The following MYO1E variants were observed in gnomAD, a reference collection of about 807,000 sequenced individuals.
The protein encoded by MYO1E is unconventional myosin-Ie.
Under a neutral mutation model 151.1 loss-of-function variants are expected in MYO1E, and 68 were observed. The ratio of observed to expected loss-of-function variants is 0.45; its 90% confidence interval spans 0.37 to 0.55. The LOEUF (loss-of-function observed/expected upper bound fraction) is 0.55, where lower values mean the gene tolerates loss of function less well. MYO1E is among the 20% of genes least tolerant of loss of function. The pLI is 0.00. For missense variants in MYO1E, 1,363 were observed against 1,389.3 expected (o/e 0.98, Z 0.30); for synonymous variants, 601 against 501.7 (o/e 1.20, Z -2.64).
intron 4 of MYO1E, 94 bp downstream of exon 4, chr15:59,256,190 T>C: frequency 2.2e-6 from 2 of 895,280 alleles, no homozygotes; most frequent in South Asian, 2.7e-5. Flanking sequence ...GTGACATCAG[T>C]AGCTGTTGCA....
chr15:59,195,611 A>G, intron 16 of MYO1E, 44 bp from the exon 17 acceptor site: 1 of 1,523,698 alleles, frequency 6.6e-7, no homozygotes. Flanking sequence ...CTTTCTCTAA[A>G]GAAGACCAAA....
chr15:59,245,773 G>A (rs2080126087), intron 4 of MYO1E, among the ~76,000 whole-genome samples: 1 of 152,146 alleles, frequency 6.6e-6, no homozygotes, highest in Admixed American at 6.5e-5. Flanking sequence ...GTTCTCCAAG[G>A]CCCGATGATT....
chr15:59,278,794 A>T (rs2080336412), intron 1 of MYO1E, among the ~76,000 whole-genome samples: 1 of 152,224 alleles, frequency 6.6e-6, no homozygotes, highest in Non-Finnish European at 1.5e-5. Context: ...TAATTGGAAC[A>T]TTTACTGAAA....
intron 1 of MYO1E, among the ~76,000 whole-genome samples, chr15:59,349,831 T>A (rs1260689261): frequency 6.6e-6 from 1 of 152,214 alleles, no homozygotes; most frequent in Non-Finnish European, 1.5e-5. Flanking sequence ...ACAGGCAACA[T>A]GCAACTCTTT....
chr15:59,180,948 C>G (rs1310239377), intron 18 of MYO1E, among the ~76,000 whole-genome samples: 1 of 152,202 alleles, frequency 6.6e-6, no homozygotes, highest in Non-Finnish European at 1.5e-5. Flanking sequence ...GCCAGCTCCT[C>G]TTTCTGCCTG....
chr15:59,336,636 A>G (rs1026704794), intron 1 of MYO1E, among the ~76,000 whole-genome samples: 7 of 152,054 alleles, frequency 4.6e-5, no homozygotes, highest in Non-Finnish European at 7.4e-5. Context: ...GTTCTGGGAT[A>G]CATTTGCAGA....
At chr15:59,372,373 C>T (rs2080952067) in intron 1 of MYO1E, 125 bp downstream of exon 1, 1 of 1,204,710 alleles carries the variant, frequency 8.3e-7, no homozygotes, top group Non-Finnish European at 1.2e-6. Context: ...TCGCGACGTG[C>T]CGGCTCCCGC....
intron 19 of MYO1E, among the ~76,000 whole-genome samples, chr15:59,175,942 CCAAAA>C (rs1404650932): frequency 9.9e-5 from 15 of 152,076 alleles, no homozygotes; most frequent in African/African-American, 2.7e-4. Flanking sequence ...CCAAACCAAA[CCAAAA>C]AACAACAACA....
intron 6 of MYO1E, among the ~76,000 whole-genome samples, chr15:59,228,805 G>A (rs1278350821): frequency 2.0e-5 from 3 of 152,172 alleles, no homozygotes; most frequent in Non-Finnish European, 2.9e-5. Flanking sequence ...AACTCATTAA[G>A]GGCAAGAAAA....
At chr15:59,161,001 G>A in intron 24 of MYO1E, 72 bp downstream of exon 24, 3 of 1,585,908 alleles carry the variant, frequency 1.9e-6, no homozygotes, top group Non-Finnish European at 2.6e-6. Flanking sequence ...CTGTGCACAT[G>A]TTTGCAGCAT....
Position 59,137,015 on chromosome 15 carries a change from C to T in MYO1E, c.*365G>A. The T allele has an allele frequency of 2.7e-6, 1 of 373,400 alleles. No individual in the cohort carries two copies. The highest frequency in any genetic ancestry group is 5.2e-6 in the Non-Finnish European group (1 of 192,246). The allele number at this position is 373,400 out of a possible 1,614,324, so 23.1% of individuals were successfully genotyped here. ...TCAACTAAAGGCACTTGTCAGCGGC[C>T]ACCTACAGCCATTCTCTAGGCCTGG... On this transcript the variant is annotated 3_prime_UTR_variant, in exon 28 of 28. Coordinates refer to ENST00000288235, the MANE Select transcript of MYO1E (RefSeq NM_004998.4).
chr15:59,313,921 G>A (rs1401287350), intron 1 of MYO1E, among the ~76,000 whole-genome samples: 2 of 152,354 alleles, frequency 1.3e-5, no homozygotes, highest in African/African-American at 4.8e-5. Context: ...ACCTGAGAGA[G>A]ACCATAATGG....
At chr15:59,226,554 C>G (rs1180831860) in intron 7 of MYO1E, among the ~76,000 whole-genome samples, 1 of 152,176 alleles carries the variant, frequency 6.6e-6, no homozygotes, top group Non-Finnish European at 1.5e-5. Flanking sequence ...CGCCTGTAAT[C>G]CTAGCACTTT....
At chr15:59,372,346 C>G (rs547328985) in intron 1 of MYO1E, 152 bp downstream of exon 1, 1 of 948,710 alleles carries the variant, frequency 1.1e-6, no homozygotes, top group Non-Finnish European at 1.6e-6. Context: ...TTACGGAAAG[C>G]GGCAGGAAAT....
intron 1 of MYO1E, among the ~76,000 whole-genome samples, chr15:59,320,990 C>CA (rs1217376198): frequency 6.6e-6 from 1 of 151,598 alleles, no homozygotes; most frequent in Non-Finnish European, 1.5e-5. Flanking sequence ...ATTGAACAAG[C>CA]AAAAAAACAA....
chr15:59,154,812 A>G (rs186774841), intron 25 of MYO1E, among the ~76,000 whole-genome samples: 1 of 152,188 alleles, frequency 6.6e-6, no homozygotes, highest in Non-Finnish European at 1.5e-5. Context: ...TTTTCTCTAT[A>G]TCCTTATTAT....
At chr15:59,280,048 C>G (rs2080344210) in intron 1 of MYO1E, among the ~76,000 whole-genome samples, 1 of 152,192 alleles carries the variant, frequency 6.6e-6, no homozygotes, top group African/African-American at 2.4e-5. Context: ...AAATGTCTGA[C>G]ACTGTTTTCC....
intron 25 of MYO1E, among the ~76,000 whole-genome samples, chr15:59,155,727 G>A (rs1178624632): frequency 1.3e-5 from 2 of 152,168 alleles, no homozygotes. Context: ...AAGAAAGGAG[G>A]AGACAGAGCC....
chr15:59,305,074 A>G (rs1243748227), intron 1 of MYO1E, among the ~76,000 whole-genome samples: 1 of 152,224 alleles, frequency 6.6e-6, no homozygotes, highest in Non-Finnish European at 1.5e-5. Context: ...AGTGGTGTAT[A>G]GCGTCCACTG....
Sources: gnomAD v4.1 joint callset for allele counts (sites outside exome capture counted in the v4.1 genomes callset) on GRCh38, gnomAD v4.1.1 for gene constraint, MANE v1.5 for transcripts, NCBI Gene and HGNC (gene_info 2026-07-23, HGNC 2026-07-21) for gene names.